The following OR4K17 variants were observed in gnomAD, a reference collection of about 807,000 sequenced individuals.
The protein encoded by OR4K17 is olfactory receptor 4K17.
For synonymous variants in OR4K17, 157 were observed against 132.8 expected, an observed-to-expected ratio of 1.18 and a Z score of -1.25; for missense variants, 480 against 366.3, an observed-to-expected ratio of 1.31 and a Z score of -2.53.
At chr14:20,111,074 C>T (rs897820121) in intron 1 of OR4K17, among the ~76,000 whole-genome samples, 182 bp downstream of exon 1, 5 of 152,040 alleles carry the variant, frequency 3.3e-5, no homozygotes, top group African/African-American at 7.2e-5. Flanking sequence ...CTCAGACTTA[C>T]GAAGACTAAA....
intron 1 of OR4K17, among the ~76,000 whole-genome samples, chr14:20,115,622 TATG>T (rs1476995323): frequency 1.3e-5 from 2 of 152,208 alleles, no homozygotes; most frequent in Admixed American, 1.3e-4. Flanking sequence ...TCATAATCCT[TATG>T]ATAAATTCTG....
intron 1 of OR4K17, among the ~76,000 whole-genome samples, chr14:20,114,855 G>A (rs1176903768): frequency 6.6e-6 from 1 of 151,958 alleles, no homozygotes; most frequent in Non-Finnish European, 1.5e-5. Flanking sequence ...CTATTATAAA[G>A]CATTGTATCT....
At chr14:20,116,322 T>C (rs1349078128) in intron 1 of OR4K17, among the ~76,000 whole-genome samples, 2 of 152,124 alleles carry the variant, frequency 1.3e-5, no homozygotes, top group Non-Finnish European at 2.9e-5. Context: ...TTCTGCATAA[T>C]CTGTCTCACA....
At chr14:20,114,234 C>T (rs560594557) in intron 1 of OR4K17, among the ~76,000 whole-genome samples, 1 of 151,718 alleles carries the variant, frequency 6.6e-6, no homozygotes, top group Non-Finnish European at 1.5e-5. Context: ...TTCTGTATCT[C>T]GTGTGTAATT....
chr14:20,116,587 A>T (rs1456436742), intron 1 of OR4K17, among the ~76,000 whole-genome samples: 1 of 152,146 alleles, frequency 6.6e-6, no homozygotes, highest in Non-Finnish European at 1.5e-5. Flanking sequence ...TTTTATAAAT[A>T]AAGGGGATGT....
In OR4K17 at chr14:20,117,769, G is replaced by T. The variant is rs1431367678; in HGVS notation, c.270G>T (p.Lys90Asn). The change falls in exon 2 of 2, where the codon AAG becomes AAT. Residue 90 changes from lysine to asparagine, a missense_variant. Coordinates refer to ENST00000641386, the MANE Select transcript of OR4K17 (RefSeq NM_001004715.5). ...TTCTGAACTTGTTAAAAAAGCAGAA[G>T]GTAATTTCTTTTGCTGGGTGCTTCA... ...KVILNLLKKQ[K>N]VISFAGCFTQ... is the part of the protein sequence containing the mutation. The T allele has an allele frequency of 1.2e-6, 2 of 1,613,960 alleles. No individual in the cohort carries two copies. The highest frequency in any genetic ancestry group is 1.7e-6 in the Non-Finnish European group (2 of 1,180,006).
rs1381191340 is a variant in OR4K17, at chr14:20,118,317, T to C, written c.818T>C (p.Val273Ala). The change falls in exon 2 of 2, where the codon GTG becomes GCG. Residue 273 changes from valine to alanine, a missense_variant. By Grantham distance (64) the Val-to-Ala change is moderately conservative. Coordinates refer to ENST00000641386, the MANE Select transcript of OR4K17 (RefSeq NM_001004715.5). ...CACTCTGTAGATAAGTTCCTTGCTG[T>C]GTTTTATACCATCATCACTCCTATC... is the stretch of plus-strand genomic sequence containing the variant. ...GNHSVDKFLAVFYTIITPILN... is the reference protein window; with the variant it reads ...GNHSVDKFLAAFYTIITPILN... The C allele has an allele frequency of 6.2e-7, 1 of 1,613,310 alleles. No individual in the cohort carries two copies. The highest frequency in any genetic ancestry group is 8.5e-7 in the Non-Finnish European group (1 of 1,179,270).
rs1878100993 is a variant in OR4K17, at chr14:20,119,258, T to C, written c.*820T>C. 6.6e-6 allele frequency: 1 copy of C among 152,200 alleles called. No homozygotes were observed. The highest frequency in any genetic ancestry group is 1.5e-5 in the Non-Finnish European group (1 of 68,046). The allele number at this position is 152,200 out of a possible 1,614,324, so 9.4% of individuals were successfully genotyped here. A position where few individuals can be genotyped will look rare whatever the true frequency, so the allele number is the denominator to read the frequency against. Reference sequence around the variant, plus strand: ...TCAAAGTGCCCAGATTTCATATTGTTTAAACACACATGCTTTATGAACAAT... The same window carrying C: ...TCAAAGTGCCCAGATTTCATATTGTCTAAACACACATGCTTTATGAACAAT... On this transcript the variant is annotated 3_prime_UTR_variant, in exon 2 of 2. Coordinates refer to ENST00000641386, the MANE Select transcript of OR4K17 (RefSeq NM_001004715.5).
At chr14:20,114,081 A>G (rs547973021) in intron 1 of OR4K17, among the ~76,000 whole-genome samples, 49 of 152,076 alleles carry the variant, frequency 3.2e-4, no homozygotes, top group African/African-American at 1.2e-3. Context: ...CTGTAAACCA[A>G]ATGGCTATTC....
In OR4K17 at chr14:20,117,618, T is replaced by C; in HGVS notation, c.119T>C (p.Leu40Ser). The change falls in exon 2 of 2, where the codon TTG becomes TCG. Residue 40 changes from leucine to serine, a missense_variant. By Grantham distance (145) the Leu-to-Ser change is moderately radical. Coordinates refer to ENST00000641386, the MANE Select transcript of OR4K17 (RefSeq NM_001004715.5). ...LFSVIYVVTVLGNLLIIVTVF... is the reference protein window; with the variant it reads ...LFSVIYVVTVSGNLLIIVTVF... Reference sequence around the variant, plus strand: ...TCGGTTATCTATGTGGTCACAGTTTTGGGTAACCTTCTTATTATAGTCACA... The same window carrying C: ...TCGGTTATCTATGTGGTCACAGTTTCGGGTAACCTTCTTATTATAGTCACA... 1.9e-6 allele frequency: 3 copies of C among 1,613,924 alleles called. No individual in the cohort carries two copies. Among genetic ancestry groups the C allele is most frequent in the South Asian group, 1.1e-5 (1 of 91,062 alleles).
At chr14:20,115,984 A>G (rs1877982638) in intron 1 of OR4K17, among the ~76,000 whole-genome samples, 2 of 152,178 alleles carry the variant, frequency 1.3e-5, no homozygotes, top group African/African-American at 4.8e-5. Context: ...AAACTCTGAA[A>G]TGGGGATAGA....
rs2139056027 is a variant in OR4K17, at chr14:20,117,486, G to C, written c.-14G>C. 1.9e-6 allele frequency: 3 copies of C among 1,613,190 alleles called. No homozygotes were observed. The highest frequency in any genetic ancestry group is 2.5e-6 in the Non-Finnish European group (3 of 1,179,238). On this transcript the variant is annotated 5_prime_UTR_variant, in exon 2 of 2. Coordinates refer to ENST00000641386, the MANE Select transcript of OR4K17 (RefSeq NM_001004715.5). The stretch of plus-strand genomic sequence containing the variant: ...TCTACAGGTCATCCAAGAGCGAGCT[G>C]TAGGATGGAGGCCATGAAACTATTA...
rs1042069859 is a variant in OR4K17, at chr14:20,120,639, T to C, written c.*2201T>C. Reference sequence around the variant, plus strand: ...ATTTCAAAAGCACCTGCACCTTGCATACCATTATAGTTTGGGCAGTGGAAT... The same window carrying C: ...ATTTCAAAAGCACCTGCACCTTGCACACCATTATAGTTTGGGCAGTGGAAT... On this transcript the variant is annotated 3_prime_UTR_variant, in exon 2 of 2. Transcript: ENST00000641386. The C allele has an allele frequency of 6.6e-6, 1 of 152,294 alleles. No individual in the cohort carries two copies. The highest frequency in any genetic ancestry group is 1.5e-5 in the Non-Finnish European group (1 of 68,108). The allele number at this position is 152,294 out of a possible 1,614,324, so 9.4% of individuals were successfully genotyped here.
Position 20,116,569 on chromosome 14 carries a change from G to T in OR4K17, c.-32-899G>T, listed in dbSNP as rs182911680. On this transcript the variant is annotated intron_variant, in intron 1 of 1. Transcript: ENST00000641386. The stretch of plus-strand genomic sequence containing the variant: ...AATTGTTAAACCTGGTTTGCTCAAG[G>T]TATACAATTTTATAAATAAAGGGGA... 3.3e-5 allele frequency among the ~76,000 whole-genome samples: 5 copies of T among 152,160 alleles called. No homozygotes were observed. In the East Asian group the frequency reaches 5.8e-4, roughly 18 times the overall value.
chr14:20,115,320 T>TTAA (rs1198115235), intron 1 of OR4K17, among the ~76,000 whole-genome samples: 3 of 152,136 alleles, frequency 2.0e-5, no homozygotes, highest in African/African-American at 7.2e-5. Flanking sequence ...AATCTCTTTG[T>TTAA]TAATAGTTGT....
rs1878053472 is a variant in OR4K17 at position 20,118,056 on chromosome 14, A to T, written c.557A>T (p.Lys186Met). The T allele has an allele frequency of 6.2e-7, 1 of 1,614,048 alleles. No homozygotes were observed. The change falls in exon 2 of 2, where the codon AAG becomes ATG. Residue 186 changes from lysine to methionine, a missense_variant. By Grantham distance (95) the Lys-to-Met change is moderately conservative. Coordinates refer to ENST00000641386, the MANE Select transcript of OR4K17 (RefSeq NM_001004715.5). ...TTTTGTGACCTCCCTTTGGTTACTA[A>T]GCTTGCCTGTATAGACATATATTTT... ...SIFCDLPLVT[K>M]LACIDIYFVQ...
In OR4K17 at chr14:20,119,598, A is replaced by C. The variant is rs934144000; in HGVS notation, c.*1160A>C. On this transcript the variant is annotated 3_prime_UTR_variant, in exon 2 of 2. Coordinates refer to ENST00000641386, the MANE Select transcript of OR4K17 (RefSeq NM_001004715.5). ...GTCCCTGACTTCCCGCAACAGAGCC[A>C]AGGCAGGTTGCCTTGGCTGACTTGA... 3.9e-5 allele frequency: 6 copies of C among 152,456 alleles called. No individual in the cohort carries two copies. Among genetic ancestry groups the C allele is most frequent in the Non-Finnish European group, 7.3e-5 (5 of 68,046 alleles). 9.4% of individuals were successfully genotyped at this position (152,456 alleles called of 1,614,324 possible).
chr14:20,117,975 A>G lies in OR4K17; in HGVS notation c.476A>G (p.Gln159Arg). 1 of 1,614,094 alleles carries G rather than the reference A, an allele frequency of 6.2e-7. No individual in the cohort carries two copies. Residue 159 changes from glutamine (Q) to arginine (R), a missense_variant, in exon 2 of 2, where the codon CAG becomes CGG. Physicochemically the swap from Gln to Arg is conservative, Grantham distance 43. Transcript: ENST00000641386. Reference protein sequence around the residue: ...WLLGLLHSGFQIPFAVNLPFC... With the variant: ...WLLGLLHSGFRIPFAVNLPFC... ...TTGGGTCTCCTTCACTCAGGGTTTC[A>G]GATACCATTTGCTGTGAACTTGCCC...
At chr14:20,116,051 T>G (rs1382023052) in intron 1 of OR4K17, among the ~76,000 whole-genome samples, 1 of 152,104 alleles carries the variant, frequency 6.6e-6, no homozygotes, top group Admixed American at 6.6e-5. Flanking sequence ...TATGAAGTAT[T>G]GGGCCTGAGA....
Sources: allele counts gnomAD v4.1 joint callset (sites outside exome capture counted in the v4.1 genomes callset), GRCh38; gene constraint gnomAD v4.1.1; transcripts MANE v1.5; gene names NCBI Gene and HGNC (gene_info 2026-07-23, HGNC 2026-07-21).